TMEM182: variants seen among roughly 807,000 people sequenced by gnomAD.
TMEM182 encodes transmembrane protein 182.
A neutral mutation model predicts 26.8 loss-of-function variants in TMEM182; 20 were observed. The ratio of observed to expected loss-of-function variants is 0.75; its 90% confidence interval spans 0.53 to 1.09. The LOEUF is 1.09. Ranked by LOEUF, TMEM182 falls within the 50% of genes least tolerant of loss-of-function variation. TMEM182 has a pLI of 0.00. For synonymous variants in TMEM182, 109 were observed against 102.2 expected, an observed-to-expected ratio of 1.07 and a Z score of -0.40; for missense variants, 277 against 275.5, an observed-to-expected ratio of 1.01 and a Z score of -0.04.
intron 3 of TMEM182, among the ~76,000 whole-genome samples, chr2:102,828,648 G>T (rs1683090252): frequency 6.6e-6 from 1 of 152,086 alleles, no homozygotes; most frequent in Non-Finnish European, 1.5e-5. Flanking sequence ...ATGATTTCTG[G>T]GGCCCTGGGC....
At chr2:102,798,026 T>C (rs768188853) in intron 4 of TMEM182, 26 bp downstream of exon 4, 2 of 1,579,808 alleles carry the variant, frequency 1.3e-6, no homozygotes, top group Non-Finnish European at 8.6e-7. Flanking sequence ...TGGGTATGAC[T>C]TTCAGCCACG....
intron 3 of TMEM182, among the ~76,000 whole-genome samples, chr2:102,842,475 T>G (rs1418913487): frequency 6.6e-6 from 1 of 152,194 alleles, no homozygotes; most frequent in Non-Finnish European, 1.5e-5. Context: ...CATTGGCTTC[T>G]GGGGAGCTTT....
chr2:102,761,957 A>G (rs547428298), upstream of TMEM182: 2 of 353,696 alleles, frequency 5.7e-6, no homozygotes, highest in East Asian at 6.9e-5. Context: ...CAGCTCCTCA[A>G]TCACTATCTT....
At chr2:102,801,141 G>A (rs1456619120) in intron 4 of TMEM182, among the ~76,000 whole-genome samples, 1 of 152,008 alleles carries the variant, frequency 6.6e-6, no homozygotes, top group Non-Finnish European at 1.5e-5. Context: ...GAAGTTCTGA[G>A]GTGTCCAAGG....
chr2:102,777,067 TTA>T, intron 3 of TMEM182, among the ~76,000 whole-genome samples: 1 of 134,652 alleles, frequency 7.4e-6, no homozygotes, highest in South Asian at 2.6e-4. Flanking sequence ...ATACATGTTT[TTA>T]AAAAAAAAAT....
At chr2:102,746,283 AT>A (rs1226934471) in intron 1 of TMEM182, among the ~76,000 whole-genome samples, 1 of 151,924 alleles carries the variant, frequency 6.6e-6, no homozygotes, top group Non-Finnish European at 1.5e-5. Context: ...TTTAATTGCG[AT>A]TTTTTTTAAA....
At chr2:102,763,399 A>G (rs1048579609) in intron 2 of TMEM182, among the ~76,000 whole-genome samples, 2 of 152,234 alleles carry the variant, frequency 1.3e-5, no homozygotes, top group African/African-American at 4.8e-5. Flanking sequence ...TTCAACAATG[A>G]AAGGGCTGTT....
At chr2:102,794,371 A>G (rs1162731348) in intron 3 of TMEM182, among the ~76,000 whole-genome samples, 1 of 152,212 alleles carries the variant, frequency 6.6e-6, no homozygotes, top group Non-Finnish European at 1.5e-5. Context: ...ATTCTACTTT[A>G]TTTACATGGA....
chr2:102,786,800 C>G (rs1372277522), intron 3 of TMEM182, among the ~76,000 whole-genome samples: 1 of 152,046 alleles, frequency 6.6e-6, no homozygotes, highest in African/African-American at 2.4e-5. Context: ...TATTACATGC[C>G]AACCATAAAG....
chr2:102,778,821 G>A (rs1461234262), intron 3 of TMEM182, among the ~76,000 whole-genome samples: 1 of 152,028 alleles, frequency 6.6e-6, no homozygotes, highest in Non-Finnish European at 1.5e-5. Context: ...TTCTACATAT[G>A]TTGAGAACTG....
chr2:102,752,551 T>C (rs1251765988), intron 1 of TMEM182, among the ~76,000 whole-genome samples: 1 of 152,230 alleles, frequency 6.6e-6, no homozygotes, highest in Admixed American at 6.5e-5. Flanking sequence ...CTGACTATTT[T>C]ACAGTGATGC....
chr2:102,782,013 A>C (rs1354100584), intron 3 of TMEM182, among the ~76,000 whole-genome samples: 1 of 152,128 alleles, frequency 6.6e-6, no homozygotes, highest in Non-Finnish European at 1.5e-5. Flanking sequence ...ATTGAAACCT[A>C]CTAATATATT....
intron 3 of TMEM182, among the ~76,000 whole-genome samples, chr2:102,824,636 A>G (rs1340958385): frequency 6.6e-6 from 1 of 152,108 alleles, no homozygotes; most frequent in Non-Finnish European, 1.5e-5. Context: ...CATCCTGGCC[A>G]ACACAGTGAA....
chr2:102,779,488 G>T (rs1681068194), intron 3 of TMEM182, among the ~76,000 whole-genome samples: 1 of 152,064 alleles, frequency 6.6e-6, no homozygotes, highest in African/African-American at 2.4e-5. Flanking sequence ...TAATTCTACA[G>T]ATCTGTCAGT....
intron 3 of TMEM182, among the ~76,000 whole-genome samples, chr2:102,843,257 CAA>C (rs1158904629): frequency 6.6e-6 from 1 of 152,216 alleles, no homozygotes; most frequent in Non-Finnish European, 1.5e-5. Flanking sequence ...CTCTTACTAG[CAA>C]ATGACAGAGC....
In TMEM182 at chr2:102,779,720, G is replaced by A. The variant is rs1015579222; in HGVS notation, c.331+15293G>A. On this transcript the variant is annotated intron_variant, in intron 3 of 4. Coordinates refer to ENST00000412401, the MANE Select transcript of TMEM182 (RefSeq NM_144632.5). The stretch of plus-strand genomic sequence containing the variant: ...TTTTTTTTAATTTGGCTCAAGGCTG[G>A]GTGTGGTGGCTCATGCTTGTAATCC... Among the ~76,000 whole-genome samples the A allele has an allele frequency of 1.5e-4, 23 of 151,710 alleles. No homozygotes were observed. In the Middle Eastern group the frequency reaches 0.01, roughly 68 times the overall value.
At chr2:102,747,202 G>A (rs887488580) in intron 1 of TMEM182, among the ~76,000 whole-genome samples, 1 of 152,172 alleles carries the variant, frequency 6.6e-6, no homozygotes, top group African/African-American at 2.4e-5. Flanking sequence ...GGTACATAGT[G>A]AGATGTATAC....
intron 3 of TMEM182, among the ~76,000 whole-genome samples, chr2:102,792,762 G>T (rs962586270): frequency 6.6e-6 from 1 of 152,110 alleles, no homozygotes; most frequent in Non-Finnish European, 1.5e-5. Context: ...TGTGATCAAA[G>T]CTCTCCAGGC....
At chr2:102,745,444 T>C (rs1052294307) in intron 1 of TMEM182, among the ~76,000 whole-genome samples, 2 of 152,120 alleles carry the variant, frequency 1.3e-5, no homozygotes, top group Non-Finnish European at 2.9e-5. Context: ...TTCCTTTGTC[T>C]CTCAGACCCT....
Sources: gnomAD v4.1 joint callset for allele counts (sites outside exome capture counted in the v4.1 genomes callset) on GRCh38, gnomAD v4.1.1 for gene constraint, MANE v1.5 for transcripts, NCBI Gene and HGNC (gene_info 2026-07-23, HGNC 2026-07-21) for gene names.